COX10: variants seen among roughly 807,000 people sequenced by gnomAD.
COX10 encodes the protein cytochrome c oxidase assembly factor heme A:farnesyltransferase COX10.
Under a neutral mutation model 37.3 loss-of-function variants are expected in COX10, and 27 were observed. The ratio of observed to expected loss-of-function variants is 0.72; its 90% CI spans 0.53 to 1.00. The LOEUF (loss-of-function observed/expected upper bound fraction) is 1.00. COX10 is among the 50% of genes least tolerant of loss of function. The pLI, the probability that COX10 is intolerant of heterozygous loss-of-function variation, is 0.00. For synonymous variants in COX10, 222 were observed against 229.1 expected, an observed-to-expected ratio of 0.97 and a Z score of 0.28; for missense variants, 475 against 563.2, an observed-to-expected ratio of 0.84 and a Z score of 1.59.
chr17:14,174,456 CAA>C (rs61593222), intron 5 of COX10, among the ~76,000 whole-genome samples: 7 of 66,166 alleles, frequency 1.1e-4, no homozygotes, highest in African/African-American at 2.2e-4. Flanking sequence ...AAGACCCTGT[CAA>C]AAAAAAAAAA....
At chr17:14,192,744 C>T (rs1046337956) in intron 6 of COX10, among the ~76,000 whole-genome samples, 11 of 151,518 alleles carry the variant, frequency 7.3e-5, no homozygotes, top group Non-Finnish European at 1.5e-4. Flanking sequence ...AAGATTCCTA[C>T]ATTTTTTTGG....
chr17:14,154,122 G>A (rs1904979630), intron 4 of COX10, among the ~76,000 whole-genome samples: 1 of 152,204 alleles, frequency 6.6e-6, no homozygotes, highest in South Asian at 2.1e-4. Context: ...AGAAGCTTGT[G>A]AGTTGGGTGG....
intron 4 of COX10, among the ~76,000 whole-genome samples, chr17:14,120,460 G>A (rs777497715): frequency 2.7e-4 from 41 of 152,176 alleles, no homozygotes; most frequent in Non-Finnish European, 3.2e-4. Flanking sequence ...AGGTATCACA[G>A]AAACGGAGGG....
chr17:14,189,958 A>G (rs944675801), intron 5 of COX10, among the ~76,000 whole-genome samples: 3 of 152,254 alleles, frequency 2.0e-5, no homozygotes, highest in African/African-American at 4.8e-5. Context: ...CAGTAGAGAT[A>G]GAAGATAAAA....
chr17:14,138,714 A>G (rs1461408466), intron 4 of COX10, among the ~76,000 whole-genome samples: 1 of 152,120 alleles, frequency 6.6e-6, no homozygotes, highest in Non-Finnish European at 1.5e-5. Flanking sequence ...TTGCATTTCT[A>G]TAGATCTTAC....
intron 4 of COX10, among the ~76,000 whole-genome samples, chr17:14,143,537 G>A (rs747247802): frequency 2.0e-5 from 3 of 152,106 alleles, no homozygotes; most frequent in Non-Finnish European, 2.9e-5. Context: ...AAACAGAGTC[G>A]TTAAAGAGAG....
chr17:14,116,068 G>A (rs914475847), intron 4 of COX10, among the ~76,000 whole-genome samples: 3 of 152,042 alleles, frequency 2.0e-5, no homozygotes, highest in African/African-American at 7.2e-5. Context: ...AAAGTTAATG[G>A]CAATGTAAAA....
intron 3 of COX10, among the ~76,000 whole-genome samples, chr17:14,080,809 G>T (rs1224373712): frequency 6.7e-6 from 1 of 150,090 alleles, no homozygotes; most frequent in South Asian, 2.1e-4. Context: ...CTTTTTTTAT[G>T]GTATTTTGTT....
chr17:14,132,339 G>A (rs1287704795), intron 4 of COX10, among the ~76,000 whole-genome samples: 2 of 151,854 alleles, frequency 1.3e-5, no homozygotes, highest in African/African-American at 2.4e-5. Context: ...AATCCGTGTC[G>A]ATGGTCAAAT....
At chr17:14,203,937 T>C (rs1906620010) in intron 6 of COX10, among the ~76,000 whole-genome samples, 1 of 152,042 alleles carries the variant, frequency 6.6e-6, no homozygotes, top group Non-Finnish European at 1.5e-5. Context: ...AACTCTCAGT[T>C]CTCTGCCAGG....
chr17:14,082,090 C>T (rs886472187), intron 3 of COX10, among the ~76,000 whole-genome samples: 7 of 152,114 alleles, frequency 4.6e-5, no homozygotes, highest in Admixed American at 2.6e-4. Context: ...AGTGAGGTCA[C>T]GGTAGTAAAT....
intron 1 of COX10, among the ~76,000 whole-genome samples, 159 bp downstream of exon 1, chr17:14,069,807 G>A (rs1409057579): frequency 2.0e-5 from 3 of 152,196 alleles, no homozygotes. Flanking sequence ...AGCTTGGAGT[G>A]AAGAGGTCAC....
chr17:14,163,385 G>A (rs993058946), intron 5 of COX10, among the ~76,000 whole-genome samples: 3 of 151,982 alleles, frequency 2.0e-5, no homozygotes, highest in African/African-American at 7.3e-5. Flanking sequence ...CTCCCAAGTA[G>A]TTGGGACTAC....
At chr17:14,170,529 G>C (rs1905430141) in intron 5 of COX10, among the ~76,000 whole-genome samples, 1 of 152,172 alleles carries the variant, frequency 6.6e-6, no homozygotes, top group Non-Finnish European at 1.5e-5. Context: ...TTAATTGCTA[G>C]CCTAGGCCAG....
At chr17:14,131,902 A>G (rs1916476639) in intron 4 of COX10, among the ~76,000 whole-genome samples, 1 of 152,032 alleles carries the variant, frequency 6.6e-6, no homozygotes, top group Non-Finnish European at 1.5e-5. Context: ...AGATCTTCTG[A>G]CTAAAAAAAC....
At chr17:14,166,716 A>C (rs1281656049) in intron 5 of COX10, among the ~76,000 whole-genome samples, 1 of 139,822 alleles carries the variant, frequency 7.2e-6, no homozygotes, top group East Asian at 2.2e-4. Flanking sequence ...GGTTCAAGCG[A>C]TTCTCCTGCC....
Position 14,207,204 on chromosome 17 carries a change from TC to T in COX10, c.1326del (p.Ser443AlafsTer33), listed in dbSNP as rs1906736133. On this transcript the variant is annotated frameshift_variant, in exon 7 of 7. Coordinates refer to ENST00000261643, the MANE Select transcript of COX10 (RefSeq NM_001303.4). LOFTEE classifies it high-confidence loss of function. ...GCGGAGGCGGGGACGCAGGGCCCCC[TC>T]CCAGCTGAGAGCACTGGGACGCCCA... ...PSGGGDAGPP[P>X]S 2 of 1,592,986 alleles carry T rather than the reference TC, an allele frequency of 1.3e-6. No homozygotes were observed. The highest frequency in any genetic ancestry group is 3.4e-5 in the Admixed American group (2 of 59,532).
At chr17:14,197,677 C>A (rs148848183) in intron 6 of COX10, among the ~76,000 whole-genome samples, 165 of 152,326 alleles carry the variant, frequency 1.1e-3, no homozygotes, top group African/African-American at 3.8e-3. Flanking sequence ...TTTATAACTG[C>A]ACAATGAACT....
At chr17:14,163,770 A>C (rs958397570) in intron 5 of COX10, among the ~76,000 whole-genome samples, 1 of 152,252 alleles carries the variant, frequency 6.6e-6, no homozygotes, top group African/African-American at 2.4e-5. Context: ...GTCTCTGTTC[A>C]GTTGCTCATA....
Sources: gnomAD v4.1 joint callset for allele counts (sites outside exome capture counted in the v4.1 genomes callset) on GRCh38, gnomAD v4.1.1 for gene constraint, MANE v1.5 for transcripts, NCBI Gene and HGNC (gene_info 2026-07-23, HGNC 2026-07-21) for gene names.